SLC11A2: variants seen among roughly 807,000 people sequenced by gnomAD.
SLC11A2 encodes the protein natural resistance-associated macrophage protein 2.
SLC11A2 carries 38 observed loss-of-function variants against 68.0 expected under a neutral mutation model. That is an observed-to-expected ratio of 0.56 (90% CI 0.43 to 0.73). The LOEUF (loss-of-function observed/expected upper bound fraction) is 0.73. SLC11A2 is among the 30% of genes least tolerant of loss of function. The pLI, the probability that SLC11A2 is intolerant of heterozygous loss-of-function variation, is 0.00. For synonymous variants in SLC11A2, 242 were observed against 250.6 expected (o/e 0.97, Z 0.32); for missense variants, 517 against 690.5 (o/e 0.75, Z 2.82).
the SLC11A2 span, chr12:50,960,887 C>A: frequency 8.7e-6 from 11 of 1,257,252 alleles, no homozygotes; most frequent in Non-Finnish European, 1.2e-5. Context: ...GCTATGTTGC[C>A]CAGGCTGTTT....
chr12:50,960,929 C>T, the SLC11A2 span: 4 of 1,526,958 alleles, frequency 2.6e-6, no homozygotes, highest in Non-Finnish European at 3.5e-6. Context: ...ATGCTCCTGC[C>T]TCAGCCTTCC....
rs1565994099 is a variant in SLC11A2, at chr12:50,994,046, C to CT, written c.1077+497_1077+498insA. On this transcript the variant is annotated intron_variant, in intron 11 of 15. Coordinates refer to ENST00000262052, the MANE Select transcript of SLC11A2 (RefSeq NM_000617.3). ...GGGGTGTATACTGCATCTTTTTTTTCCTTTTTTTTTTAAAGACAGAGTCTT... is the reference window on the plus strand; with the variant it reads ...GGGGTGTATACTGCATCTTTTTTTTCTCTTTTTTTTTTAAAGACAGAGTCTT... 5.1e-3 allele frequency among the ~76,000 whole-genome samples: 652 copies of CT among 127,008 alleles called. 6 individuals carry two copies. Among genetic ancestry groups the CT allele is most frequent in the African/African-American group, 0.018 (619 of 34,684 alleles). The allele number at this position is 127,008 out of a possible 152,430, so 83.3% of individuals were successfully genotyped here. A position where few individuals can be genotyped will look rare whatever the true frequency, so the allele number is the denominator to read the frequency against.
chr12:50,960,036 T>C, the SLC11A2 span, among the ~76,000 whole-genome samples: 3 of 152,226 alleles, frequency 2.0e-5, no homozygotes, highest in African/African-American at 7.2e-5. Flanking sequence ...TCCTATTTAG[T>C]TGATGAGTTC....
At chr12:50,988,509 A>G in intron 15 of SLC11A2, 74 bp from the exon 16 acceptor site, 6 of 1,602,696 alleles carry the variant, frequency 3.7e-6, no homozygotes, top group Non-Finnish European at 5.1e-6. Context: ...CACTTCTCAA[A>G]TGCAAACCTG....
At position 51,012,869 on chromosome 12, in the gene SLC11A2, CCT is replaced by C. The variant is rs1419131018; in HGVS notation, c.-38-2105_-38-2104del. On this transcript the variant is annotated intron_variant, in intron 1 of 15. Coordinates refer to ENST00000262052, the MANE Select transcript of SLC11A2 (RefSeq NM_000617.3). ...CCAATAATACTGACTAAATTCAACC[CCT>C]CTTTCAGTCAATGACAATAGCACCT... Among the ~76,000 whole-genome samples, 3 of 152,166 alleles carry C rather than the reference CCT, an allele frequency of 2.0e-5. No homozygotes were observed. In the East Asian group the frequency reaches 5.8e-4, roughly 29 times the overall value.
At chr12:50,963,864 A>G in the SLC11A2 span, among the ~76,000 whole-genome samples, 1 of 152,344 alleles carries the variant, frequency 6.6e-6, no homozygotes, top group East Asian at 1.9e-4. Flanking sequence ...ACCACTGTCC[A>G]GCCCTTGTCA....
the SLC11A2 span, among the ~76,000 whole-genome samples, chr12:50,967,366 C>G: frequency 2.0e-5 from 3 of 152,094 alleles, no homozygotes; most frequent in Non-Finnish European, 1.5e-5. Flanking sequence ...AGGCAAGTCT[C>G]AAATTCCTGG....
chr12:50,983,010 G>A (rs1439527434), downstream of SLC11A2, among the ~76,000 whole-genome samples: 1 of 151,034 alleles, frequency 6.6e-6, no homozygotes, highest in Non-Finnish European at 1.5e-5. Context: ...GGTTTGTGTT[G>A]GGACCTGTGA....
Position 51,009,081 on chromosome 12 carries a change from A to G in SLC11A2, c.35-457T>C, listed in dbSNP as rs1313193915. The G allele has an allele frequency of 7.5e-6, 9 of 1,206,684 alleles. No homozygotes were observed. In the Admixed American group the frequency reaches 8.0e-5, roughly 11 times the overall value. The allele number at this position is 1,206,684 out of a possible 1,614,324, so 74.7% of individuals were successfully genotyped here. A position where few individuals can be genotyped will look rare whatever the true frequency, so the allele number is the denominator to read the frequency against. On this transcript the variant is annotated intron_variant, in intron 2 of 15. Transcript: ENST00000262052. ...AAAAGAACTAGGCCTGTCTAGCGAA[A>G]TGTCCTCCCCACCTCCTATATTTGG...
the SLC11A2 span, among the ~76,000 whole-genome samples, chr12:50,966,180 C>G: frequency 0.15 from 22,230 of 152,162 alleles, 1,867 homozygotes; most frequent in South Asian, 0.26. Context: ...AGGATCCCAT[C>G]ATCCCCATTG....
the SLC11A2 span, among the ~76,000 whole-genome samples, chr12:50,964,279 C>T: frequency 6.6e-6 from 1 of 152,228 alleles, no homozygotes; most frequent in Non-Finnish European, 1.5e-5. Context: ...TCATCCACTA[C>T]ACATTTCATA....
the SLC11A2 span, among the ~76,000 whole-genome samples, chr12:50,957,353 C>T: frequency 6.6e-6 from 1 of 151,642 alleles, no homozygotes; most frequent in African/African-American, 2.4e-5. Context: ...CATGCGCCAC[C>T]ACACCTGGCT....
the SLC11A2 span, chr12:50,953,887 C>T: frequency 1.6e-5 from 10 of 617,566 alleles, no homozygotes; most frequent in Non-Finnish European, 2.8e-5. Context: ...GCTTATCAAA[C>T]AAATGAAAAC....
intron 1 of SLC11A2, among the ~76,000 whole-genome samples, chr12:51,023,542 C>CT (rs1317307218): frequency 1.3e-5 from 2 of 152,134 alleles, no homozygotes; most frequent in Non-Finnish European, 2.9e-5. Flanking sequence ...ATGCCCCTAC[C>CT]TTTTTTCCCA....
chr12:50,989,169 A>G (rs925765112), intron 15 of SLC11A2, among the ~76,000 whole-genome samples: 1 of 151,908 alleles, frequency 6.6e-6, no homozygotes, highest in African/African-American at 2.4e-5. Context: ...ACAGTAACCC[A>G]CTCTAGAATC....
chr12:51,017,719 T>C (rs933640790), intron 1 of SLC11A2, among the ~76,000 whole-genome samples: 2 of 152,204 alleles, frequency 1.3e-5, no homozygotes, highest in Non-Finnish European at 2.9e-5. Flanking sequence ...TAATCAGAAG[T>C]CTACAGCTGT....
downstream of SLC11A2, among the ~76,000 whole-genome samples, chr12:50,983,826 G>C (rs1287803422): frequency 1.3e-5 from 2 of 152,098 alleles, no homozygotes; most frequent in Non-Finnish European, 2.9e-5. Flanking sequence ...AAATTAGCTG[G>C]CCTTAGTGGT....
chr12:50,986,267 A>C lies in SLC11A2; in HGVS notation c.*2058T>G. ...TGTCAAAACTCACTGGATATGCTGG[A>C]ATTGGAGGACTTAAATTTCTACATA... On this transcript the variant is annotated 3_prime_UTR_variant, in exon 16 of 16. Coordinates refer to ENST00000262052, the MANE Select transcript of SLC11A2 (RefSeq NM_000617.3). 7.8e-7 allele frequency: 1 copy of C among 1,286,056 alleles called. No individual in the cohort carries two copies. The highest frequency in any genetic ancestry group is 1.0e-6 in the Non-Finnish European group (1 of 987,596). 79.7% of individuals were successfully genotyped at this position (1,286,056 alleles called of 1,614,324 possible). A position where few individuals can be genotyped will look rare whatever the true frequency, so the allele number is the denominator to read the frequency against.
chr12:51,026,282 G>A lies in SLC11A2; in HGVS notation c.-39+28C>T, dbSNP rs775434852. On this transcript the variant is annotated intron_variant, in intron 1 of 15. Coordinates refer to ENST00000262052, the MANE Select transcript of SLC11A2 (RefSeq NM_000617.3). ...CCTCCCTGCCAGCGAGCGGAATGCC[G>A]TGACCCCTGACCTTGCCTTCCCCTC... 1.1e-5 allele frequency: 13 copies of A among 1,223,794 alleles called. No homozygotes were observed. In the South Asian group the frequency reaches 1.4e-4, roughly 13 times the overall value. 75.8% of individuals were successfully genotyped at this position (1,223,794 alleles called of 1,614,324 possible).
Sources: gnomAD v4.1 joint callset for allele counts (sites outside exome capture counted in the v4.1 genomes callset) on GRCh38, gnomAD v4.1.1 for gene constraint, MANE v1.5 for transcripts, NCBI Gene and HGNC (gene_info 2026-07-23, HGNC 2026-07-21) for gene names.